The following CMC1 variants were observed in gnomAD, a reference collection of about 807,000 sequenced individuals.
CMC1 encodes COX assembly mitochondrial protein homolog.
In CMC1, 14 loss-of-function variants were observed where a neutral mutation model predicts 14.1. The observed-to-expected ratio is 0.99, with a 90% CI of 0.66 to 1.55. The LOEUF is 1.55. CMC1 is among the 40% of genes most tolerant of loss of function. The pLI is 0.00. For missense variants in CMC1, 127 were observed against 123.8 expected (o/e 1.03, Z -0.12); for synonymous variants, 50 against 38.4 (o/e 1.30, Z -1.12).
At chr3:28,296,207 T>A (rs1407092962) in intron 2 of CMC1, among the ~76,000 whole-genome samples, 1 of 152,052 alleles carries the variant, frequency 6.6e-6, no homozygotes, top group Middle Eastern at 3.2e-3. Context: ...TATGAAAAAA[T>A]GTAATGCTGA....
chr3:28,294,584 A>T (rs1198146173), intron 2 of CMC1: 2 of 372,808 alleles, frequency 5.4e-6, no homozygotes. Flanking sequence ...AAAATGCTTT[A>T]GTCATGAGTT....
At chr3:28,315,613 A>G (rs1439687995) in intron 2 of CMC1, among the ~76,000 whole-genome samples, 1 of 152,050 alleles carries the variant, frequency 6.6e-6, no homozygotes, top group Non-Finnish European at 1.5e-5. Flanking sequence ...GGAAGAGTCA[A>G]CTCTTTGTAT....
At chr3:28,264,703 T>C (rs1294082046) in intron 2 of CMC1, among the ~76,000 whole-genome samples, 1 of 152,104 alleles carries the variant, frequency 6.6e-6, no homozygotes, top group South Asian at 2.1e-4. Flanking sequence ...TTAAAAAATA[T>C]ATATCCTGAT....
At chr3:28,312,502 A>G (rs553209823) in intron 2 of CMC1, among the ~76,000 whole-genome samples, 70 of 152,360 alleles carry the variant, frequency 4.6e-4, no homozygotes, top group African/African-American at 1.6e-3. Context: ...AAGATGAACT[A>G]TCTGCTATTT....
intron 1 of CMC1, 96 bp downstream of exon 1, chr3:28,241,908 A>T (rs969741163): frequency 1.6e-5 from 19 of 1,155,582 alleles, no homozygotes; most frequent in Non-Finnish European, 2.0e-5. Context: ...AAAGGTGCAG[A>T]GCTCTGGGTA....
intron 2 of CMC1, chr3:28,294,504 G>A (rs1488849090): frequency 9.5e-6 from 9 of 947,796 alleles, no homozygotes; most frequent in East Asian, 1.2e-4. Flanking sequence ...CTAAGTGGAC[G>A]AACTTATATA....
chr3:28,245,247 T>C (rs972942316), intron 1 of CMC1, among the ~76,000 whole-genome samples: 5 of 152,196 alleles, frequency 3.3e-5, no homozygotes, highest in Non-Finnish European at 5.9e-5. Flanking sequence ...AAATGCAGGT[T>C]ACATGCTTAT....
At chr3:28,299,421 C>T (rs1701907995) in intron 2 of CMC1, among the ~76,000 whole-genome samples, 1 of 152,060 alleles carries the variant, frequency 6.6e-6, no homozygotes, top group Non-Finnish European at 1.5e-5. Flanking sequence ...GAACCATGAT[C>T]CATCTAGAGA....
intron 2 of CMC1, among the ~76,000 whole-genome samples, chr3:28,264,464 C>T (rs762354082): frequency 6.6e-6 from 1 of 152,136 alleles, no homozygotes; most frequent in Non-Finnish European, 1.5e-5. Flanking sequence ...TTTGTTTCTT[C>T]AATAACTTAT....
In CMC1 at chr3:28,296,154, A is replaced by G. The variant is rs967279141; in HGVS notation, c.110-20179A>G. 3.3e-5 allele frequency among the ~76,000 whole-genome samples: 5 copies of G among 152,094 alleles called. No homozygotes were observed. The East Asian group carries it at 9.6e-4, about 29-fold the overall frequency. ...TGTTGTAAGACTAAACAGGCCAGGA[A>G]TTATGCATATATTCAGTAAACTAGA... On this transcript the variant is annotated intron_variant, in intron 2 of 3. Coordinates refer to ENST00000466830, the MANE Select transcript of CMC1 (RefSeq NM_182523.2).
intron 2 of CMC1, among the ~76,000 whole-genome samples, chr3:28,275,242 G>A (rs950976282): frequency 1.3e-5 from 2 of 150,604 alleles, no homozygotes; most frequent in Non-Finnish European, 1.5e-5. Flanking sequence ...TCTAGCTTCG[G>A]TCTTTGATGT....
chr3:28,250,134 T>C (rs758511446), intron 1 of CMC1, among the ~76,000 whole-genome samples: 13 of 152,148 alleles, frequency 8.5e-5, no homozygotes, highest in Non-Finnish European at 1.5e-4. Flanking sequence ...ATTCAACATA[T>C]GAATTTGGAG....
At chr3:28,266,770 T>A (rs1278203866) in intron 2 of CMC1, among the ~76,000 whole-genome samples, 4 of 152,162 alleles carry the variant, frequency 2.6e-5, no homozygotes, top group Non-Finnish European at 4.4e-5. Flanking sequence ...TCTGTTGATA[T>A]CAAAAGAAAA....
chr3:28,295,833 A>G (rs139012107), intron 2 of CMC1, among the ~76,000 whole-genome samples: 45 of 152,132 alleles, frequency 3.0e-4, no homozygotes, highest in Non-Finnish European at 5.3e-4. Context: ...TGTATTTTTT[A>G]TCTGTGTTTG....
chr3:28,309,098 A>G (rs1000994154), intron 2 of CMC1, among the ~76,000 whole-genome samples: 8 of 152,158 alleles, frequency 5.3e-5, no homozygotes, highest in Admixed American at 3.9e-4. Context: ...GGTGCCACAT[A>G]GTCCTCTGTA....
chr3:28,264,473 A>G (rs563931020), intron 2 of CMC1, among the ~76,000 whole-genome samples: 1 of 152,298 alleles, frequency 6.6e-6, no homozygotes, highest in Admixed American at 6.5e-5. Flanking sequence ...TCAATAACTT[A>G]TTATGACCTA....
intron 2 of CMC1, among the ~76,000 whole-genome samples, chr3:28,283,293 C>G (rs1450435283): frequency 3.3e-5 from 5 of 151,914 alleles, no homozygotes; most frequent in Non-Finnish European, 5.9e-5. Context: ...GTAGGCAGAT[C>G]ACTTGAGGTC....
intron 2 of CMC1, among the ~76,000 whole-genome samples, chr3:28,294,245 G>C (rs1221876339): frequency 6.6e-6 from 1 of 152,064 alleles, no homozygotes; most frequent in Non-Finnish European, 1.5e-5. Context: ...GCAGTCAGGA[G>C]AACCTTACTC....
At chr3:28,300,240 C>T (rs76781013) in intron 2 of CMC1, among the ~76,000 whole-genome samples, 3 of 152,228 alleles carry the variant, frequency 2.0e-5, no homozygotes, top group Middle Eastern at 3.4e-3. Context: ...TGTCGTTTTA[C>T]ACTGGAATAC....
Sources: allele counts gnomAD v4.1 joint callset (sites outside exome capture counted in the v4.1 genomes callset), GRCh38; gene constraint gnomAD v4.1.1; transcripts MANE v1.5; gene names NCBI Gene and HGNC (gene_info 2026-07-23, HGNC 2026-07-21).